ZNF157: variants seen among roughly 807,000 people sequenced by gnomAD.
ZNF157 encodes zinc finger protein 22.
In ZNF157, 8 loss-of-function variants were observed where a neutral mutation model predicts 9.4. The observed-to-expected ratio is 0.85, with a 90% CI of 0.50 to 1.53. ZNF157 has a LOEUF of 1.53. Ranked by LOEUF, ZNF157 falls within the 40% of genes most tolerant of loss-of-function variation. The pLI is 0.00. For missense variants in ZNF157, 316 were observed against 385.2 expected (o/e 0.82, Z 1.50); for synonymous variants, 120 against 130.8 (o/e 0.92, Z 0.56).
intron 1 of ZNF157, among the ~76,000 whole-genome samples, chrX:47,395,151 A>G (rs1202818140): frequency 9.0e-6 from 1 of 111,296 alleles, no homozygotes; most frequent in East Asian, 2.8e-4. Context: ...TCCTTGGCTC[A>G]GGAGATCCTC....
intron 1 of ZNF157, among the ~76,000 whole-genome samples, chrX:47,391,646 G>C (rs1366517612): frequency 1.8e-5 from 2 of 111,881 alleles, no homozygotes; most frequent in Non-Finnish European, 3.8e-5. Context: ...CGCCTCCTGG[G>C]TTCAAGCAAT....
Position 47,413,757 on chromosome X carries a change from G to A in ZNF157, c.*163G>A. 1 of 853,830 alleles carries A rather than the reference G, an allele frequency of 1.2e-6. No homozygotes were observed. The highest frequency in any genetic ancestry group is 1.5e-6 in the Non-Finnish European group (1 of 646,677). The allele number at this position is 853,830 out of a possible 1,213,427, so 70.4% of individuals were successfully genotyped here. ...TTCAGATTTCCCTAATTAGTGGTGT[G>A]TGAACATCTTATCTGTTGATTGGCT... is the stretch of plus-strand genomic sequence containing the variant. On this transcript the variant is annotated 3_prime_UTR_variant, in exon 4 of 4. Coordinates refer to ENST00000377073, the MANE Select transcript of ZNF157 (RefSeq NM_003446.4).
At chrX:47,376,165 C>T (rs1439023552) in intron 1 of ZNF157, among the ~76,000 whole-genome samples, 5 of 111,883 alleles carry the variant, frequency 4.5e-5, no homozygotes, top group Middle Eastern at 4.6e-3. Context: ...CTTCACCTAC[C>T]GAAGGGCACT....
intron 1 of ZNF157, among the ~76,000 whole-genome samples, chrX:47,380,974 GAGGAGGAGGAGAAAGAGA>G (rs1470303537): frequency 1.0e-5 from 1 of 99,590 alleles, no homozygotes; most frequent in Non-Finnish European, 2.0e-5. Context: ...GGAGGAGCAG[GAGGAGGAGGAGAAAGAGA>G]AGGAGGAGGA....
chrX:47,386,370 G>C (rs937392413), intron 1 of ZNF157, among the ~76,000 whole-genome samples: 4 of 110,580 alleles, frequency 3.6e-5, no homozygotes, highest in Non-Finnish European at 5.7e-5. Flanking sequence ...CTATCCCCTC[G>C]AGGTTCCTAA....
intron 1 of ZNF157, among the ~76,000 whole-genome samples, chrX:47,384,640 A>G (rs1181411377): frequency 8.9e-6 from 1 of 112,434 alleles, no homozygotes; most frequent in Non-Finnish European, 1.9e-5. Flanking sequence ...TGCCGCACAG[A>G]CAGATTACCT....
At chrX:47,409,102 C>T (rs373130312) in intron 1 of ZNF157, among the ~76,000 whole-genome samples, 6 of 111,735 alleles carry the variant, frequency 5.4e-5, no homozygotes, top group African/African-American at 1.9e-4. Context: ...CAAACCTTGG[C>T]CTCTGCTAGC....
intron 1 of ZNF157, among the ~76,000 whole-genome samples, chrX:47,402,504 G>A (rs1316317496): frequency 9.3e-6 from 1 of 107,328 alleles, no homozygotes; most frequent in Non-Finnish European, 1.9e-5. Context: ...ATAGGCTGTT[G>A]ATGTTACTTT....
chrX:47,374,232 A>T (rs1313889631), intron 1 of ZNF157, among the ~76,000 whole-genome samples: 1 of 110,333 alleles, frequency 9.1e-6, no homozygotes, highest in Non-Finnish European at 1.9e-5. Context: ...CTCTTGCTTG[A>T]TGTGTGAGGA....
At chrX:47,403,125 A>AC (rs1408219445) in intron 1 of ZNF157, among the ~76,000 whole-genome samples, 5 of 107,211 alleles carry the variant, frequency 4.7e-5, no homozygotes, top group Non-Finnish European at 9.6e-5. Flanking sequence ...ACACACACAC[A>AC]AATTAGCTGG....
At chrX:47,406,763 A>G (rs1259590310) in intron 1 of ZNF157, among the ~76,000 whole-genome samples, 1 of 112,609 alleles carries the variant, frequency 8.9e-6, no homozygotes, top group African/African-American at 3.2e-5. Context: ...TTCTACATAG[A>G]CAATCATATT....
intron 1 of ZNF157, among the ~76,000 whole-genome samples, chrX:47,399,067 G>C (rs1368019118): frequency 8.9e-6 from 1 of 112,323 alleles, no homozygotes; most frequent in South Asian, 3.6e-4. Flanking sequence ...CTCCCAAAGT[G>C]CTGGGATTAC....
At chrX:47,394,211 C>A (rs1259250926) in intron 1 of ZNF157, among the ~76,000 whole-genome samples, 2 of 110,976 alleles carry the variant, frequency 1.8e-5, no homozygotes, top group Non-Finnish European at 3.8e-5. Flanking sequence ...ATCTGCCCAC[C>A]TCGGCCTCCC....
At chrX:47,376,006 T>C (rs112630671) in intron 1 of ZNF157, among the ~76,000 whole-genome samples, 1,382 of 112,119 alleles carry the variant, frequency 0.012, 29 homozygotes, top group African/African-American at 0.041. Flanking sequence ...TAGTTTTGCC[T>C]TTTCTAAAAT....
Position 47,412,672 on chromosome X carries a change from G to A in ZNF157, c.599G>A (p.Ser200Asn), listed in dbSNP as rs765390526. 1.7e-6 allele frequency: 2 copies of A among 1,211,576 alleles called. No homozygotes were observed. Among genetic ancestry groups the A allele is most frequent in the Non-Finnish European group, 2.2e-6 (2 of 895,414 alleles). The change falls in exon 4 of 4, where the codon AGT (serine) becomes AAT (asparagine). Residue 200 changes from serine to asparagine, a missense_variant. By Grantham distance (46) the Ser-to-Asn change is conservative (BLOSUM62 1). Coordinates refer to ENST00000377073, the MANE Select transcript of ZNF157 (RefSeq NM_003446.4). ...YECGECAKTF[S>N]ARSYLIAHQK... ...TGCGGTGAATGTGCAAAAACCTTCAGTGCAAGATCATACCTCATTGCTCAT... is the reference window on the plus strand; with the variant it reads ...TGCGGTGAATGTGCAAAAACCTTCAATGCAAGATCATACCTCATTGCTCAT...
At chrX:47,409,478 G>A (rs1482382089) in intron 1 of ZNF157, among the ~76,000 whole-genome samples, 1 of 102,717 alleles carries the variant, frequency 9.7e-6, no homozygotes, top group Non-Finnish European at 2.0e-5. Flanking sequence ...GGGATGGCAG[G>A]CACCTGCCAC....
At chrX:47,387,315 G>T (rs1252611235) in intron 1 of ZNF157, among the ~76,000 whole-genome samples, 1 of 109,907 alleles carries the variant, frequency 9.1e-6, no homozygotes, top group Non-Finnish European at 1.9e-5. Context: ...TAGAGACGGG[G>T]TTTCTCCATG....
At chrX:47,382,998 T>C (rs2055868365) in intron 1 of ZNF157, among the ~76,000 whole-genome samples, 1 of 110,431 alleles carries the variant, frequency 9.1e-6, no homozygotes, top group Admixed American at 9.8e-5. Context: ...AATGAAAACA[T>C]TAAGTTAACG....
At chrX:47,383,371 CAAAAAAA>C (rs35133137) in intron 1 of ZNF157, among the ~76,000 whole-genome samples, 380 of 18,795 alleles carry the variant, frequency 0.02, 2 homozygotes, top group Middle Eastern at 0.091. Flanking sequence ...GACTCAGTCT[CAAAAAAA>C]AAAAAAAAAA....
Sources: gnomAD v4.1 joint callset for allele counts (sites outside exome capture counted in the v4.1 genomes callset) on GRCh38, gnomAD v4.1.1 for gene constraint, MANE v1.5 for transcripts, NCBI Gene and HGNC (gene_info 2026-07-23, HGNC 2026-07-21) for gene names.